Variants in DIP2C observed in about 807,000 individuals in gnomAD.
DIP2C encodes the protein DIP2 acetate--CoA ligase C (putative).
A neutral mutation model predicts 192.4 loss-of-function variants in DIP2C; 33 were observed. That is an observed-to-expected ratio of 0.17 (90% CI 0.13 to 0.23). DIP2C has a LOEUF of 0.23. DIP2C is among the 10% of genes least tolerant of loss of function. The pLI is 1.00. For synonymous variants in DIP2C, 979 were observed against 864.1 expected (o/e 1.13, Z -2.33); for missense variants, 1,537 against 2,110.1 (o/e 0.73, Z 5.32).
chr10:503,452 T>C (rs918748951), intron 1 of DIP2C, among the ~76,000 whole-genome samples: 7 of 152,154 alleles, frequency 4.6e-5, no homozygotes, highest in Admixed American at 1.3e-4. Context: ...TACATAAATT[T>C]AACAAGCAAA....
At chr10:391,815 CT>C (rs1963476994) in intron 10 of DIP2C, among the ~76,000 whole-genome samples, 1 of 152,210 alleles carries the variant, frequency 6.6e-6, no homozygotes, top group African/African-American at 2.4e-5. Flanking sequence ...GGCTGTGGAT[CT>C]TCCCACCTGT....
intron 2 of DIP2C, among the ~76,000 whole-genome samples, chr10:485,329 GA>G (rs1182219928): frequency 1.3e-5 from 2 of 152,220 alleles, no homozygotes; most frequent in Admixed American, 1.3e-4. Flanking sequence ...GAGAATGAGG[GA>G]GGGGGCGCAG....
intron 22 of DIP2C, 82 bp from the exon 23 acceptor site, chr10:358,019 T>TA (rs1959167638): frequency 9.7e-7 from 1 of 1,032,982 alleles, no homozygotes; most frequent in Non-Finnish European, 1.4e-6. Flanking sequence ...GTAAAGACCT[T>TA]ACTCTCGGAA....
intron 1 of DIP2C, among the ~76,000 whole-genome samples, chr10:569,272 AAAT>A (rs1292319026): frequency 1.3e-5 from 2 of 152,214 alleles, no homozygotes; most frequent in African/African-American, 4.8e-5. Flanking sequence ...TGTTTCTATA[AAAT>A]AATGTCATTG....
chr10:319,554 C>T (rs1830913824), intron 31 of DIP2C, among the ~76,000 whole-genome samples: 1 of 152,144 alleles, frequency 6.6e-6, no homozygotes. Flanking sequence ...AACAAAAGAC[C>T]TTCCAGCTTA....
chr10:295,517 C>T (rs562852416), intron 32 of DIP2C, among the ~76,000 whole-genome samples: 8 of 140,502 alleles, frequency 5.7e-5, no homozygotes, highest in African/African-American at 1.1e-4. Context: ...GCCGAGATAG[C>T]GCCACTGCAG....
At position 482,999 on chromosome 10, in the gene DIP2C, C is replaced by T. The variant is rs373698876; in HGVS notation, c.157+3460G>A. Among the ~76,000 whole-genome samples, 76 of 152,264 alleles carry T rather than the reference C, an allele frequency of 5.0e-4. No individual in the cohort carries two copies. In the East Asian group the frequency reaches 7.7e-3, roughly 16 times the overall value. On this transcript the variant is annotated intron_variant, in intron 2 of 36. Transcript: ENST00000280886. ...TATAACTCACATTTCTTCCTGGCTC[C>T]GGACAGTCTTTTCCTCAACTAGATT...
At position 417,956 on chromosome 10, in the gene DIP2C, A is replaced by G. The variant is rs1368899866; in HGVS notation, c.739+1109T>C. Among the ~76,000 whole-genome samples, 94 of 76,570 alleles carry G rather than the reference A, an allele frequency of 1.2e-3. 2 individuals are homozygous for G. The highest frequency in any genetic ancestry group is 2.3e-3 in the South Asian group (4 of 1,776). 50.2% of individuals were successfully genotyped at this position (76,570 alleles called of 152,430 possible). On this transcript the variant is annotated intron_variant, in intron 6 of 36. Transcript: ENST00000280886. ...AGGGCTTCGATAGGCCTCCCTGTCC[A>G]CCTGCACCTGTCAGGGCTCGGATAG...
chr10:581,359 G>A (rs1006637304), intron 1 of DIP2C, among the ~76,000 whole-genome samples: 3 of 152,176 alleles, frequency 2.0e-5, no homozygotes, highest in Non-Finnish European at 4.4e-5. Flanking sequence ...ACAAAATACA[G>A]GCAGTCTTCT....
chr10:597,244 G>A (rs988934419), intron 1 of DIP2C, among the ~76,000 whole-genome samples: 3 of 152,158 alleles, frequency 2.0e-5, no homozygotes, highest in African/African-American at 7.2e-5. Flanking sequence ...TGCACCCTCC[G>A]CTTCTCAAGC....
chr10:582,661 G>GGT (rs1461211593), intron 1 of DIP2C, among the ~76,000 whole-genome samples: 2 of 152,206 alleles, frequency 1.3e-5, no homozygotes, highest in African/African-American at 4.8e-5. Flanking sequence ...ACTAGAGAAT[G>GGT]GTGTGATAGC....
At chr10:323,865 A>T (rs1206011111) in intron 31 of DIP2C, among the ~76,000 whole-genome samples, 1 of 152,212 alleles carries the variant, frequency 6.6e-6, no homozygotes, top group African/African-American at 2.4e-5. Flanking sequence ...ATGGAGAGCC[A>T]GGGAGCGAGA....
intron 3 of DIP2C, among the ~76,000 whole-genome samples, chr10:471,538 C>T (rs1970634819): frequency 6.6e-6 from 1 of 152,104 alleles, no homozygotes; most frequent in African/African-American, 2.4e-5. Flanking sequence ...CATGAAAGCT[C>T]CATGTGAGAA....
In DIP2C at chr10:526,171, C is replaced by T. The variant is rs186271197; in HGVS notation, c.86-39641G>A. ...CGACCGGGGCTCACATCAGCAGACA[C>T]AGCAAATGCAGCACACCTGTGCACG... On this transcript the variant is annotated intron_variant, in intron 1 of 36. Transcript: ENST00000280886. Among the ~76,000 whole-genome samples the T allele has an allele frequency of 1.3e-3, 203 of 152,320 alleles. 1 individual carries two copies. The highest frequency in any genetic ancestry group is 0.01 in the Middle Eastern group (3 of 294).
chr10:302,590 T>C (rs1956104214), intron 32 of DIP2C, among the ~76,000 whole-genome samples: 1 of 152,130 alleles, frequency 6.6e-6, no homozygotes, highest in Non-Finnish European at 1.5e-5. Flanking sequence ...GTCAGTCCAT[T>C]GTGTCATCAC....
intron 29 of DIP2C, among the ~76,000 whole-genome samples, chr10:333,978 C>A (rs537313299): frequency 1.3e-5 from 2 of 152,138 alleles, no homozygotes; most frequent in African/African-American, 4.8e-5. Flanking sequence ...ATCTCTTGCC[C>A]GTGTTTATGT....
At chr10:352,444 G>A (rs549114644) in intron 24 of DIP2C, among the ~76,000 whole-genome samples, 3 of 152,206 alleles carry the variant, frequency 2.0e-5, no homozygotes, top group Non-Finnish European at 2.9e-5. Context: ...TTCCAGGCAC[G>A]CTCCACGAGG....
intron 1 of DIP2C, among the ~76,000 whole-genome samples, chr10:552,014 GTCTCT>G (rs374282559): frequency 1.3e-5 from 2 of 152,224 alleles, no homozygotes; most frequent in African/African-American, 4.8e-5. Context: ...GGCTTCTCAA[GTCTCT>G]TCTGAGAGTG....
At chr10:676,130 A>G (rs1830867700) in intron 1 of DIP2C, among the ~76,000 whole-genome samples, 2 of 152,218 alleles carry the variant, frequency 1.3e-5, no homozygotes, top group South Asian at 2.1e-4. Flanking sequence ...TAAACACGCT[A>G]CATCACATCA....
Sources: gnomAD v4.1 joint callset for allele counts (sites outside exome capture counted in the v4.1 genomes callset) on GRCh38, gnomAD v4.1.1 for gene constraint, MANE v1.5 for transcripts, NCBI Gene and HGNC (gene_info 2026-07-23, HGNC 2026-07-21) for gene names.